POLR1A: variants seen among roughly 807,000 people sequenced by gnomAD.
The protein encoded by POLR1A is RNA polymerase I subunit A.
Under a neutral mutation model 205.3 loss-of-function variants are expected in POLR1A, and 84 were observed. That is an observed-to-expected ratio of 0.41 (90% CI 0.34 to 0.49). POLR1A has a LOEUF of 0.49. Ranked by LOEUF, POLR1A falls within the 20% of genes least tolerant of loss-of-function variation. The pLI, the probability that POLR1A is intolerant of heterozygous loss-of-function variation, is 0.22. For synonymous variants in POLR1A, 799 were observed against 863.7 expected (o/e 0.93, Z 1.31); for missense variants, 1,645 against 2,204.5 (o/e 0.75, Z 5.08).
intron 27 of POLR1A, among the ~76,000 whole-genome samples, chr2:86,034,670 G>A (rs1031539674): frequency 1.2e-4 from 18 of 152,104 alleles, no homozygotes; most frequent in African/African-American, 4.3e-4. Flanking sequence ...CACACATCCA[G>A]CCAGCCGTCC....
chr2:86,092,794 C>T (rs1488778443), intron 3 of POLR1A, among the ~76,000 whole-genome samples: 3 of 152,062 alleles, frequency 2.0e-5, no homozygotes, highest in Non-Finnish European at 2.9e-5. Flanking sequence ...TGCTGCACTC[C>T]AGCTTGGGCA....
chr2:86,049,830 C>T (rs544749333), intron 16 of POLR1A, among the ~76,000 whole-genome samples: 1 of 152,272 alleles, frequency 6.6e-6, no homozygotes, highest in Admixed American at 6.5e-5. Flanking sequence ...GTGAAGCCTG[C>T]CCTTCTGGCT....
rs760884562 is a variant in POLR1A at position 86,026,994 on chromosome 2, A to G, written c.*429T>C. On this transcript the variant is annotated 3_prime_UTR_variant, in exon 34 of 34. Transcript: ENST00000263857. ...GGAATCTTGTCTGTTGTCCCTGGCCACTCACAGCAAAAGAACCCCGCTTCC... is the reference window on the plus strand; with the variant it reads ...GGAATCTTGTCTGTTGTCCCTGGCCGCTCACAGCAAAAGAACCCCGCTTCC... 23 of 181,734 alleles carry G rather than the reference A, an allele frequency of 1.3e-4. No homozygotes were observed. Among genetic ancestry groups the G allele is most frequent in the Admixed American group, 2.1e-4 (4 of 18,714 alleles). The allele number at this position is 181,734 out of a possible 1,614,324, so 11.3% of individuals were successfully genotyped here. A position where few individuals can be genotyped will look rare whatever the true frequency, so the allele number is the denominator to read the frequency against.
intron 23 of POLR1A, 124 bp from the exon 24 acceptor site, chr2:86,042,227 C>A: frequency 1.4e-6 from 1 of 707,686 alleles, no homozygotes. Flanking sequence ...AATGAGAAAC[C>A]ATCTCCCCAT....
At chr2:86,081,392 C>A (rs918846152) in intron 8 of POLR1A, among the ~76,000 whole-genome samples, 3 of 152,028 alleles carry the variant, frequency 2.0e-5, no homozygotes, top group Non-Finnish European at 4.4e-5. Flanking sequence ...CAAGACTCCA[C>A]TTCAAAACAA....
At chr2:86,041,023 T>C (rs965826096) in intron 24 of POLR1A, among the ~76,000 whole-genome samples, 4 of 152,208 alleles carry the variant, frequency 2.6e-5, no homozygotes, top group Admixed American at 1.3e-4. Context: ...TTTATATTTT[T>C]AGTTAGTGCA....
At position 86,044,189 on chromosome 2, in the gene POLR1A, T is replaced by C; in HGVS notation, c.3085A>G (p.Thr1029Ala). 1 of 1,614,178 alleles carries C rather than the reference T, an allele frequency of 6.2e-7. No individual in the cohort carries two copies. The highest frequency in any genetic ancestry group is 8.5e-7 in the Non-Finnish European group (1 of 1,180,018). ...AACTGCTTGGGCTGCAGGAACTGTG[T>C]CTTGGGGATGTCCAGGCCATCCTCC... ...YGEDGLDIPKTQFLQPKQFPF... is the reference protein window; with the variant it reads ...YGEDGLDIPKAQFLQPKQFPF... Residue 1029 changes from threonine (T) to alanine (A), a missense_variant, in exon 22 of 34, where the codon ACA becomes GCA. Physicochemically the swap from Thr to Ala is moderately conservative, Grantham distance 58. Around this residue, in one of 16 missense-constraint regions of POLR1A, gnomAD observed 201 missense variants for 222.3 expected, o/e 0.90. Transcript: ENST00000263857.
chr2:86,052,763 C>A lies in POLR1A; in HGVS notation c.2392+54G>T, dbSNP rs1303495939. Reference sequence around the variant, plus strand: ...TCTCTGTCCTGGGCCTGGGAGATGGCCAGGCGGCTGCGCTGACGGGTCACT... The same window carrying A: ...TCTCTGTCCTGGGCCTGGGAGATGGACAGGCGGCTGCGCTGACGGGTCACT... On this transcript the variant is annotated intron_variant, in intron 16 of 33. Transcript: ENST00000263857. The A allele has an allele frequency of 3.6e-6, 5 of 1,389,152 alleles. No homozygotes were observed. In the South Asian group the frequency reaches 6.1e-5, roughly 17 times the overall value. The allele number at this position is 1,389,152 out of a possible 1,614,324, so 86.1% of individuals were successfully genotyped here. A position where few individuals can be genotyped will look rare whatever the true frequency, so the allele number is the denominator to read the frequency against.
chr2:86,047,062 T>C (rs1672722321), intron 19 of POLR1A, 103 bp downstream of exon 19: 10 of 724,338 alleles, frequency 1.4e-5, no homozygotes, highest in South Asian at 1.3e-4. Flanking sequence ...TTTCCTCTTT[T>C]TACTTGTCAT....
intron 28 of POLR1A, among the ~76,000 whole-genome samples, chr2:86,033,102 C>T (rs1170619249): frequency 6.6e-6 from 1 of 152,224 alleles, no homozygotes; most frequent in African/African-American, 2.4e-5. Context: ...GACCTGCTCC[C>T]ACACCACCCT....
Position 86,054,236 on chromosome 2 carries a change from G to A in POLR1A, c.2112C>T (p.Asn704=), listed in dbSNP as rs1219659734. The A allele has an allele frequency of 1.2e-6, 2 of 1,613,838 alleles. No individual in the cohort carries two copies. The highest frequency in any genetic ancestry group is 1.7e-6 in the Non-Finnish European group (2 of 1,179,854). ...NIIPEDHIPL[N]LSGKAKITGK... is the part of the protein sequence containing the mutation. Reference sequence around the variant, plus strand: ...CAGTGATTTTCGCCTTTCCAGATAAGTTCAGTGGGATGTGGTCCTCTGGGA... The same window carrying A: ...CAGTGATTTTCGCCTTTCCAGATAAATTCAGTGGGATGTGGTCCTCTGGGA... The change falls in exon 15 of 34, where the codon AAC becomes AAT. Residue 704 remains asparagine, a synonymous_variant. Transcript: ENST00000263857.
At chr2:86,031,125 T>C (rs1672378528) in intron 30 of POLR1A, among the ~76,000 whole-genome samples, 1 of 152,186 alleles carries the variant, frequency 6.6e-6, no homozygotes, top group Non-Finnish European at 1.5e-5. Context: ...ATCACCAGAT[T>C]CCTAAAGGGA....
chr2:86,066,781 G>A (rs893914074), intron 13 of POLR1A, among the ~76,000 whole-genome samples: 8 of 152,150 alleles, frequency 5.3e-5, no homozygotes, highest in Non-Finnish European at 1.2e-4. Context: ...CAAAGATAAC[G>A]ATTACAGATG....
At chr2:86,033,529 TA>T in intron 28 of POLR1A, 131 bp downstream of exon 28, 1 of 1,042,498 alleles carries the variant, frequency 9.6e-7, no homozygotes, top group Non-Finnish European at 1.4e-6. Flanking sequence ...GAACAGCAGG[TA>T]AAAGCTGAGA....
At chr2:86,092,576 G>A (rs556463821) in intron 3 of POLR1A, among the ~76,000 whole-genome samples, 2 of 152,240 alleles carry the variant, frequency 1.3e-5, no homozygotes, top group South Asian at 2.1e-4. Context: ...TGTAATCCCA[G>A]CACTTTGGGA....
intron 14 of POLR1A, among the ~76,000 whole-genome samples, chr2:86,058,914 C>A (rs979423876): frequency 2.0e-5 from 3 of 151,750 alleles, no homozygotes; most frequent in Admixed American, 2.0e-4. Context: ...GCCAGGGGTT[C>A]GAGACCAGCC....
chr2:86,039,200 C>T, intron 26 of POLR1A, 127 bp downstream of exon 26: 2 of 1,034,782 alleles, frequency 1.9e-6, no homozygotes, highest in East Asian at 2.4e-5. Context: ...GCAGAGACAG[C>T]TTATCTCTCA....
At chr2:86,052,749 G>T in intron 16 of POLR1A, 68 bp downstream of exon 16, 1 of 1,290,288 alleles carries the variant, frequency 7.8e-7, no homozygotes, top group Non-Finnish European at 1.0e-6. Flanking sequence ...CTCTGTCCTG[G>T]GCCTGGGAGA....
chr2:86,030,999 C>T (rs549236934), intron 30 of POLR1A, among the ~76,000 whole-genome samples: 49 of 152,262 alleles, frequency 3.2e-4, no homozygotes, highest in Admixed American at 2.6e-4. Flanking sequence ...TTTGAAAGTA[C>T]CTAAAGGGCC....
Sources: allele counts gnomAD v4.1 joint callset (sites outside exome capture counted in the v4.1 genomes callset), GRCh38; gene constraint gnomAD v4.1.1; regional missense constraint gnomAD v4.1.1; transcripts MANE v1.5; gene names NCBI Gene and HGNC (gene_info 2026-07-23, HGNC 2026-07-21).